GALNTL6: variants seen among roughly 807,000 people sequenced by gnomAD.
GALNTL6 encodes polypeptide N-acetylgalactosaminyltransferase like 6.
In GALNTL6, 46 loss-of-function variants were observed where a neutral mutation model predicts 73.7. That is an observed-to-expected ratio of 0.62 (90% CI 0.49 to 0.80). GALNTL6 has a LOEUF of 0.80. Ranked by LOEUF, GALNTL6 falls within the 30% of genes least tolerant of loss-of-function variation. The probability of loss-of-function intolerance (pLI) is 0.00; values close to 1 mark genes in which losing one functional copy is unlikely to be tolerated. For synonymous variants in GALNTL6, 259 were observed against 263.7 expected (o/e 0.98, Z 0.17); for missense variants, 604 against 755.0 (o/e 0.80, Z 2.34).
intron 2 of GALNTL6, among the ~76,000 whole-genome samples, chr4:172,049,710 G>T (rs985783944): frequency 2.6e-5 from 4 of 151,966 alleles, no homozygotes; most frequent in African/African-American, 2.4e-5. Context: ...TCAGCCTGGC[G>T]CAGCGGCTCA....
At chr4:172,478,133 G>A (rs1840425) in intron 5 of GALNTL6, among the ~76,000 whole-genome samples, 86,106 of 151,956 alleles carry the variant, frequency 0.57, 28,586 homozygotes, top group Non-Finnish European at 0.75. Context: ...GTCAAATTAC[G>A]AATGTCATTT....
At chr4:172,127,313 C>T (rs190159418) in intron 2 of GALNTL6, among the ~76,000 whole-genome samples, 1 of 152,344 alleles carries the variant, frequency 6.6e-6, no homozygotes, top group Non-Finnish European at 1.5e-5. Context: ...CTCAGTCCAC[C>T]ATTGTTGACA....
chr4:172,214,501 C>A (rs1364049199), intron 2 of GALNTL6, among the ~76,000 whole-genome samples: 1 of 148,092 alleles, frequency 6.8e-6, no homozygotes, highest in African/African-American at 2.5e-5. Flanking sequence ...AATTTCTGTT[C>A]TGTTTTTATT....
intron 5 of GALNTL6, among the ~76,000 whole-genome samples, chr4:172,417,249 T>G (rs548385045): frequency 5.3e-5 from 8 of 152,076 alleles, no homozygotes; most frequent in Admixed American, 2.0e-4. Context: ...GCTGTTCTTT[T>G]TGTTTCTTTC....
intron 2 of GALNTL6, among the ~76,000 whole-genome samples, chr4:172,177,755 G>GTACACATATATATACACA (rs1366100452): frequency 1.3e-3 from 70 of 54,708 alleles, no homozygotes; most frequent in African/African-American, 2.9e-3. Context: ...GTATATATAT[G>GTACACATATATATACACA]TGTGTATATA....
At chr4:172,848,038 G>A (rs1743608836) in intron 7 of GALNTL6, among the ~76,000 whole-genome samples, 1 of 152,158 alleles carries the variant, frequency 6.6e-6, no homozygotes, top group Non-Finnish European at 1.5e-5. Context: ...CAAAGGTGAA[G>A]GTGACACCCA....
At chr4:172,953,874 A>C (rs1462172443) in intron 10 of GALNTL6, among the ~76,000 whole-genome samples, 1 of 152,358 alleles carries the variant, frequency 6.6e-6, no homozygotes, top group East Asian at 1.9e-4. Flanking sequence ...TATTAATTTA[A>C]CTGTCTACCA....
At chr4:173,006,603 T>C (rs905944308) in intron 10 of GALNTL6, among the ~76,000 whole-genome samples, 1 of 152,250 alleles carries the variant, frequency 6.6e-6, no homozygotes, top group Non-Finnish European at 1.5e-5. Context: ...CTGGTACTTA[T>C]TTCAAGGAAG....
intron 2 of GALNTL6, among the ~76,000 whole-genome samples, chr4:172,081,599 C>T (rs1478779422): frequency 2.0e-5 from 3 of 152,182 alleles, no homozygotes; most frequent in Non-Finnish European, 2.9e-5. Flanking sequence ...GATTGCACCA[C>T]TGCACTCCAG....
At position 172,196,069 on chromosome 4, in the gene GALNTL6, AAGAG is replaced by A. The variant is rs531808790; in HGVS notation, c.139-33583_139-33580del. Among the ~76,000 whole-genome samples the A allele has an allele frequency of 5.3e-5, 8 of 151,828 alleles. No homozygotes were observed. The South Asian group carries it at 8.3e-4, about 16-fold the overall frequency. On this transcript the variant is annotated intron_variant, in intron 2 of 12. Transcript: ENST00000506823. ...TAGCTAGACTAGTAAAGAAAAAAAA[AAGAG>A]AGAATAACTGAATAGACACAATAAA...
At chr4:172,188,166 T>C (rs28431282) in intron 2 of GALNTL6, among the ~76,000 whole-genome samples, 53,771 of 152,076 alleles carry the variant, frequency 0.35, 9,682 homozygotes, top group Admixed American at 0.38. Context: ...CAGAAATTGA[T>C]GATATAAAGA....
At chr4:172,754,693 A>C (rs1737638902) in intron 5 of GALNTL6, among the ~76,000 whole-genome samples, 1 of 152,218 alleles carries the variant, frequency 6.6e-6, no homozygotes, top group Non-Finnish European at 1.5e-5. Context: ...TTTTTATGGA[A>C]TGGATGGTGT....
At chr4:172,289,976 T>C (rs1352609541) in intron 3 of GALNTL6, among the ~76,000 whole-genome samples, 1 of 152,220 alleles carries the variant, frequency 6.6e-6, no homozygotes, top group African/African-American at 2.4e-5. Context: ...TAAATCATAC[T>C]GTAAAACATT....
intron 5 of GALNTL6, among the ~76,000 whole-genome samples, chr4:172,559,058 A>ATTTTTTTTTTTT (rs71592081): frequency 3.9e-5 from 3 of 77,386 alleles, no homozygotes; most frequent in Non-Finnish European, 6.6e-5. Flanking sequence ...ATGATAATGG[A>ATTTTTTTTTTTT]TTTTTTTTTT....
At position 172,783,014 on chromosome 4, in the gene GALNTL6, TAA is replaced by T. The variant is rs1403950024; in HGVS notation, c.554-26345_554-26344del. On this transcript the variant is annotated intron_variant, in intron 5 of 12. Transcript: ENST00000506823. Reference sequence around the variant, plus strand: ...CAGTTACAAATTAGTGGTGATCAGCTAAAGTGTGTCTTATTTGTAAAACACTA... The same window carrying T: ...CAGTTACAAATTAGTGGTGATCAGCTAGTGTGTCTTATTTGTAAAACACTA... Among the ~76,000 whole-genome samples, 7 of 152,096 alleles carry T rather than the reference TAA, an allele frequency of 4.6e-5. No individual in the cohort carries two copies. In the East Asian group the frequency reaches 1.4e-3, roughly 29 times the overall value.
chr4:171,947,251 A>G (rs945417992), intron 2 of GALNTL6, among the ~76,000 whole-genome samples: 2 of 151,948 alleles, frequency 1.3e-5, no homozygotes, highest in African/African-American at 4.8e-5. Flanking sequence ...GTCGATGTTA[A>G]TAATCATTTT....
intron 2 of GALNTL6, among the ~76,000 whole-genome samples, chr4:171,925,449 G>GT (rs1737947180): frequency 6.6e-6 from 1 of 152,144 alleles, no homozygotes; most frequent in Non-Finnish European, 1.5e-5. Flanking sequence ...TCAGGGAACC[G>GT]TAAGAACAAA....
intron 5 of GALNTL6, among the ~76,000 whole-genome samples, chr4:172,707,430 C>A (rs1473889939): frequency 2.0e-5 from 3 of 152,134 alleles, no homozygotes; most frequent in Non-Finnish European, 4.4e-5. Flanking sequence ...CCTCTTTTCA[C>A]TACTTAGAAA....
At chr4:172,081,808 G>A (rs1731887804) in intron 2 of GALNTL6, among the ~76,000 whole-genome samples, 2 of 152,046 alleles carry the variant, frequency 1.3e-5, no homozygotes, top group African/African-American at 2.4e-5. Context: ...GCTTAGACGA[G>A]GTGGTGGATA....
Sources: allele counts gnomAD v4.1 joint callset (sites outside exome capture counted in the v4.1 genomes callset), GRCh38; gene constraint gnomAD v4.1.1; transcripts MANE v1.5; gene names NCBI Gene and HGNC (gene_info 2026-07-23, HGNC 2026-07-21).